The following DIP2A variants were observed in gnomAD, a reference collection of about 807,000 sequenced individuals.
DIP2A encodes disco-interacting protein 2 homolog A.
Under a neutral mutation model 177.4 loss-of-function variants are expected in DIP2A, and 85 were observed. That is an observed-to-expected ratio of 0.48 (90% CI 0.40 to 0.57). The LOEUF (loss-of-function observed/expected upper bound fraction) is 0.57. Among genes scored for constraint, DIP2A ranks in the 20% least tolerant of loss-of-function variants. DIP2A has a pLI of 0.00. For missense variants in DIP2A, 1,791 were observed against 2,100.2 expected, an observed-to-expected ratio of 0.85 and a Z score of 2.88; for synonymous variants, 886 against 881.8, an observed-to-expected ratio of 1.00 and a Z score of -0.08.
At position 46,532,450 on chromosome 21, in the gene DIP2A, C is replaced by T. The variant is rs965151525; in HGVS notation, c.1305+213C>T. Among the ~76,000 whole-genome samples, 6 of 152,116 alleles carry T rather than the reference C, an allele frequency of 3.9e-5. No individual in the cohort carries two copies. In the East Asian group the frequency reaches 9.6e-4, roughly 24 times the overall value. ...TGTTAATGAGAGGGGCACTGAGAAC[C>T]GTTTTGCTGGTGATGCTCCCACACC... On this transcript the variant is annotated intron_variant, in intron 10 of 37. Coordinates refer to ENST00000417564, the MANE Select transcript of DIP2A (RefSeq NM_015151.4).
intron 21 of DIP2A, 84 bp from the exon 22 acceptor site, chr21:46,549,687 G>C: frequency 5.1e-6 from 8 of 1,573,808 alleles, no homozygotes; most frequent in Non-Finnish European, 6.9e-6. Flanking sequence ...AGGACAGTCT[G>C]CCTCTTCCAT....
chr21:46,528,960 A>G (rs1202409677), intron 8 of DIP2A, 132 bp from the exon 9 acceptor site: 8 of 531,004 alleles, frequency 1.5e-5, no homozygotes, highest in Non-Finnish European at 2.3e-5. Context: ...CAGAATAGTT[A>G]TTAGTTGGAA....
At chr21:46,561,395 A>G (rs2148908657) in intron 33 of DIP2A, 1 of 365,570 alleles carries the variant, frequency 2.7e-6, no homozygotes, top group Non-Finnish European at 5.2e-6. Context: ...TGAAGCTCAG[A>G]TCCCAGTCCT....
At position 46,561,784 on chromosome 21, in the gene DIP2A, G is replaced by A. The variant is rs1378394643; in HGVS notation, c.4068G>A (p.Leu1356=). The change falls in exon 34 of 38, where the codon CTG becomes CTA. Residue 1356 remains leucine (L), a synonymous_variant. Coordinates refer to ENST00000417564, the MANE Select transcript of DIP2A (RefSeq NM_015151.4). ...TAGAACGGGGTTCTCCGCACAGCCT[G>A]CCATTGATGGAGTCTGGAAAGGTAG... ...RLVERGSPHS[L]PLMESGKILP... 1.2e-6 allele frequency: 2 copies of A among 1,613,952 alleles called. No homozygotes were observed. Among genetic ancestry groups the A allele is most frequent in the South Asian group, 2.2e-5 (2 of 91,080 alleles).
At chr21:46,582,202 C>A in the DIP2A span, among the ~76,000 whole-genome samples, 1 of 152,192 alleles carries the variant, frequency 6.6e-6, no homozygotes, top group African/African-American at 2.4e-5. Context: ...TGGGTCCCAC[C>A]TAAAGCAGCA....
intron 5 of DIP2A, 107 bp from the exon 6 acceptor site, chr21:46,504,254 C>A: frequency 6.9e-7 from 1 of 1,456,462 alleles, no homozygotes; most frequent in Non-Finnish European, 9.4e-7. Context: ...ACTCTCCCCA[C>A]TTAGAACTCA....
At chr21:46,583,222 A>G in the DIP2A span, among the ~76,000 whole-genome samples, 1 of 152,218 alleles carries the variant, frequency 6.6e-6, no homozygotes, top group Non-Finnish European at 1.5e-5. Context: ...GCACCCAACA[A>G]CAAAACACTA....
chr21:46,573,645 C>CAA (rs201994694), downstream of DIP2A, among the ~76,000 whole-genome samples: 41 of 52,974 alleles, frequency 7.7e-4, 7 homozygotes, highest in South Asian at 1.5e-3. Context: ...CCCTCTCTCA[C>CAA]AAAAAAAAAA....
intron 1 of DIP2A, among the ~76,000 whole-genome samples, chr21:46,472,568 A>G (rs1343932216): frequency 1.3e-5 from 2 of 152,200 alleles, no homozygotes; most frequent in African/African-American, 4.8e-5. Flanking sequence ...TTTGTTTTGA[A>G]AGCATGTGTG....
chr21:46,459,756 C>T (rs1282122714), intron 1 of DIP2A, among the ~76,000 whole-genome samples: 1 of 151,706 alleles, frequency 6.6e-6, no homozygotes. Flanking sequence ...ACACCTGGGA[C>T]CCTTACTCCT....
At chr21:46,515,428 AACCC>A (rs1365943111) in intron 8 of DIP2A, among the ~76,000 whole-genome samples, 1 of 149,130 alleles carries the variant, frequency 6.7e-6, no homozygotes, top group African/African-American at 2.5e-5. Flanking sequence ...CTTTGTGAAG[AACCC>A]AGCCTGTGAC....
intron 34 of DIP2A, among the ~76,000 whole-genome samples, chr21:46,562,581 A>T (rs2060702674): frequency 6.6e-6 from 1 of 152,088 alleles, no homozygotes; most frequent in Non-Finnish European, 1.5e-5. Context: ...GCAGGGCAGC[A>T]GGGGTGAGAC....
At chr21:46,493,097 C>G (rs929761636) in intron 3 of DIP2A, among the ~76,000 whole-genome samples, 2 of 152,092 alleles carry the variant, frequency 1.3e-5, no homozygotes, top group Non-Finnish European at 1.5e-5. Context: ...CATACAGTCT[C>G]CAGTAAGAAA....
At chr21:46,474,704 T>C (rs2055693209) in intron 1 of DIP2A, among the ~76,000 whole-genome samples, 3 of 152,166 alleles carry the variant, frequency 2.0e-5, no homozygotes. Flanking sequence ...CTTGAACTCT[T>C]GGGCTTGGGC....
At position 46,556,396 on chromosome 21, in the gene DIP2A, T is replaced by A. The variant is rs1295929372; in HGVS notation, c.3498+305T>A. The A allele has an allele frequency of 6.6e-6, 9 of 1,358,564 alleles. No individual in the cohort carries two copies. The highest frequency in any genetic ancestry group is 8.8e-6 in the Non-Finnish European group (9 of 1,024,620). The allele number at this position is 1,358,564 out of a possible 1,614,324, so 84.2% of individuals were successfully genotyped here. On this transcript the variant is annotated intron_variant, in intron 29 of 37. Transcript: ENST00000417564. The surrounding 1 kb of genome is among the most constrained non-coding windows in gnomAD (Gnocchi z 4.5). The stretch of plus-strand genomic sequence containing the variant: ...TGGGAGTCAATAGCTCAATTAAAAT[T>A]TTTCAGGCGGGGCGTGGTGGCTCAC...
At chr21:46,552,747 A>G (rs977637176) in intron 25 of DIP2A, among the ~76,000 whole-genome samples, 1 of 152,234 alleles carries the variant, frequency 6.6e-6, no homozygotes. Context: ...CTAGAAAACA[A>G]GTTCCGTAGG....
chr21:46,540,530 T>C (rs998297568), intron 17 of DIP2A, among the ~76,000 whole-genome samples: 3 of 152,118 alleles, frequency 2.0e-5, no homozygotes, highest in African/African-American at 7.2e-5. Flanking sequence ...CTTCCTGTGC[T>C]CCTCACTCCC....
At chr21:46,530,631 C>G (rs971460022) in intron 9 of DIP2A, among the ~76,000 whole-genome samples, 1 of 152,132 alleles carries the variant, frequency 6.6e-6, no homozygotes, top group African/African-American at 2.4e-5. Flanking sequence ...GACACAACAC[C>G]TGACTGATAA....
In DIP2A at chr21:46,563,316, G is replaced by A. The variant is rs968171201; in HGVS notation, c.4090-542G>A. Among the ~76,000 whole-genome samples the A allele has an allele frequency of 3.3e-4, 50 of 152,328 alleles. No homozygotes were observed. The highest frequency in any genetic ancestry group is 1.1e-3 in the African/African-American group (45 of 41,588). On this transcript the variant is annotated intron_variant, in intron 34 of 37. Coordinates refer to ENST00000417564, the MANE Select transcript of DIP2A (RefSeq NM_015151.4). The surrounding 1 kb of genome is among the most constrained non-coding windows in gnomAD (Gnocchi z 4.3). ...GCATCCAGGCCTTGTGCAGTCAGGTGGTCTGACCTGAGCCCAGTGAGGGAA... is the reference window on the plus strand; with the variant it reads ...GCATCCAGGCCTTGTGCAGTCAGGTAGTCTGACCTGAGCCCAGTGAGGGAA...
Sources: allele counts gnomAD v4.1 joint callset (sites outside exome capture counted in the v4.1 genomes callset), GRCh38; gene constraint gnomAD v4.1.1; non-coding constraint Gnocchi (gnomAD v3.1); transcripts MANE v1.5; gene names NCBI Gene and HGNC (gene_info 2026-07-23, HGNC 2026-07-21).